Variants in ARHGAP6 observed in about 807,000 individuals in gnomAD.
ARHGAP6 encodes rho GTPase-activating protein 6.
Under a neutral mutation model 55.7 loss-of-function variants are expected in ARHGAP6, and 16 were observed. The observed-to-expected ratio is 0.29, with a 90% CI of 0.19 to 0.44. The LOEUF is 0.44. ARHGAP6 is among the 20% of genes least tolerant of loss of function. The probability of loss-of-function intolerance (pLI) is 1.00; values close to 1 mark genes in which losing one functional copy is unlikely to be tolerated. For synonymous variants in ARHGAP6, 382 were observed against 360.9 expected (o/e 1.06, Z -0.66); for missense variants, 698 against 808.9 (o/e 0.86, Z 1.66).
chrX:11,333,555 G>T (rs763100356), intron 1 of ARHGAP6, among the ~76,000 whole-genome samples: 3 of 112,228 alleles, frequency 2.7e-5, no homozygotes, highest in Admixed American at 9.4e-5. Context: ...AGGGTAGATG[G>T]TCAATCCAGC....
At chrX:11,278,143 G>T (rs749614662) in intron 1 of ARHGAP6, among the ~76,000 whole-genome samples, 2 of 111,661 alleles carry the variant, frequency 1.8e-5, no homozygotes, top group Admixed American at 9.5e-5. Context: ...ACTAGGATAG[G>T]TAGTGCAGAA....
intron 2 of ARHGAP6, among the ~76,000 whole-genome samples, chrX:11,234,351 T>C (rs2147446610): frequency 8.9e-6 from 1 of 112,486 alleles, no homozygotes; most frequent in African/African-American, 3.2e-5. Context: ...TCTCCATCTT[T>C]GTTCTGTCAC....
At position 11,444,219 on chromosome X, in the gene ARHGAP6, A is replaced by C. The variant is rs1315988521; in HGVS notation, c.589-189512T>G. 3.6e-5 allele frequency among the ~76,000 whole-genome samples: 4 copies of C among 112,300 alleles called. No individual in the cohort carries two copies. In the Admixed American group the frequency reaches 3.8e-4, roughly 11 times the overall value. On this transcript the variant is annotated intron_variant, in intron 1 of 12. Transcript: ENST00000337414. The stretch of plus-strand genomic sequence containing the variant: ...CAAAAGCAGCCACAGACCATATGTA[A>C]ATGAAGGGGTGTGGTTGTGTCCCAA...
chrX:11,460,819 T>C (rs911497068), intron 1 of ARHGAP6, among the ~76,000 whole-genome samples: 3 of 112,142 alleles, frequency 2.7e-5, no homozygotes, highest in Non-Finnish European at 5.6e-5. Flanking sequence ...AGATTATTAC[T>C]TCTGTGTGCC....
At chrX:11,142,911 G>A (rs1387141395) in intron 11 of ARHGAP6, 1 of 111,996 alleles carries the variant, frequency 8.9e-6, no homozygotes, top group Non-Finnish European at 1.9e-5. Context: ...GAATAGAAGG[G>A]TGATGGGTGA....
At chrX:11,530,676 TC>T (rs1307382982) in intron 1 of ARHGAP6, among the ~76,000 whole-genome samples, 1 of 111,878 alleles carries the variant, frequency 8.9e-6, no homozygotes, top group Non-Finnish European at 1.9e-5. Context: ...GGAGCAGAGA[TC>T]TTTTTTTAAA....
chrX:11,164,225 G>C (rs111685254), intron 9 of ARHGAP6, among the ~76,000 whole-genome samples: 2,504 of 112,352 alleles, frequency 0.022, 29 homozygotes, highest in Middle Eastern at 0.055. Context: ...CTCTTCTTTT[G>C]TGTAAGGAGG....
intron 10 of ARHGAP6, among the ~76,000 whole-genome samples, chrX:11,147,782 C>A (rs779113273): frequency 8.9e-6 from 1 of 111,873 alleles, no homozygotes; most frequent in Non-Finnish European, 1.9e-5. Flanking sequence ...TGAATAAATC[C>A]GGGTGTAGTG....
Position 11,185,891 on chromosome X carries a change from TGTATAAACAATAAAA to T in ARHGAP6, c.1273+330_1273+344del, listed in dbSNP as rs1374540889. ...TGAGTAACCTCCTAGGCTACTTTTATGTATAAACAATAAAAGTGGCTCTGGTCTGTTTGAAAGAGG... is the reference window on the plus strand; with the variant it reads ...TGAGTAACCTCCTAGGCTACTTTTATGTGGCTCTGGTCTGTTTGAAAGAGG... On this transcript the variant is annotated intron_variant, in intron 5 of 12. Coordinates refer to ENST00000337414, the MANE Select transcript of ARHGAP6 (RefSeq NM_013427.3). Among the ~76,000 whole-genome samples, 3 of 111,916 alleles carry T rather than the reference TGTATAAACAATAAAA, an allele frequency of 2.7e-5. No homozygotes were observed. In the Admixed American group the frequency reaches 2.8e-4, roughly 11 times the overall value.
chrX:11,421,045 A>G (rs2049817632), intron 1 of ARHGAP6, among the ~76,000 whole-genome samples: 1 of 110,853 alleles, frequency 9.0e-6, no homozygotes, highest in Non-Finnish European at 1.9e-5. Flanking sequence ...AAGAAACAAA[A>G]AGCCCAAGAT....
chrX:11,197,784 CCACTTATAT>C (rs2046560711), intron 2 of ARHGAP6, among the ~76,000 whole-genome samples: 1 of 111,972 alleles, frequency 8.9e-6, no homozygotes, highest in African/African-American at 3.2e-5. Flanking sequence ...AATAAAGATA[CCACTTATAT>C]CAGTGGGCAG....
intron 10 of ARHGAP6, among the ~76,000 whole-genome samples, chrX:11,146,187 T>C (rs2045689094): frequency 8.9e-6 from 1 of 112,324 alleles, no homozygotes. Flanking sequence ...CAACTGAATG[T>C]AGTGTAGTCC....
intron 1 of ARHGAP6, among the ~76,000 whole-genome samples, chrX:11,480,163 G>T (rs1215285644): frequency 8.9e-6 from 1 of 111,922 alleles, no homozygotes; most frequent in Non-Finnish European, 1.9e-5. Context: ...CTTCATAGCA[G>T]CAGTATTCAT....
At chrX:11,342,008 A>G (rs959805626) in intron 1 of ARHGAP6, among the ~76,000 whole-genome samples, 2 of 97,726 alleles carry the variant, frequency 2.0e-5, no homozygotes, top group African/African-American at 7.8e-5. Context: ...TGGATATACC[A>G]TTTCAAAATG....
chrX:11,516,474 T>TA (rs1165648508), intron 1 of ARHGAP6, among the ~76,000 whole-genome samples: 2 of 112,235 alleles, frequency 1.8e-5, no homozygotes, highest in Non-Finnish European at 3.8e-5. Context: ...CTTTTTCTTC[T>TA]AAAAATATAT....
At chrX:11,495,932 G>A (rs1167731551) in intron 1 of ARHGAP6, among the ~76,000 whole-genome samples, 1 of 112,318 alleles carries the variant, frequency 8.9e-6, no homozygotes, top group African/African-American at 3.2e-5. Context: ...AGTGGAGGAG[G>A]GTGGCCTCCA....
chrX:11,330,321 A>G (rs1330507788), intron 1 of ARHGAP6, among the ~76,000 whole-genome samples: 1 of 112,972 alleles, frequency 8.9e-6, no homozygotes, highest in Non-Finnish European at 1.9e-5. Flanking sequence ...TCACAAAAAG[A>G]TTAAATATTT....
chrX:11,552,599 T>TATATATATATATATATAC (rs1491079107), intron 1 of ARHGAP6, among the ~76,000 whole-genome samples: 2 of 48,230 alleles, frequency 4.1e-5, no homozygotes, highest in Non-Finnish European at 7.6e-5. Flanking sequence ...TATATATATA[T>TATATATATATATATATAC]AGACACACAC....
At position 11,628,984 on chromosome X, in the gene ARHGAP6, CGTGTGT is replaced by C. The variant is rs55999982; in HGVS notation, c.588+35251_588+35256del. 6.6e-3 allele frequency among the ~76,000 whole-genome samples: 671 copies of C among 101,416 alleles called. 1 individual carries two copies. The highest frequency in any genetic ancestry group is 8.4e-3 in the African/African-American group (236 of 27,939). 88.1% of individuals were successfully genotyped at this position (101,416 alleles called of 115,157 possible). A position where few individuals can be genotyped will look rare whatever the true frequency, so the allele number is the denominator to read the frequency against. On this transcript the variant is annotated intron_variant, in intron 1 of 12. Coordinates refer to ENST00000337414, the MANE Select transcript of ARHGAP6 (RefSeq NM_013427.3). ...TATGATCATCCCCATGCTTCAGATA[CGTGTGT>C]GTGTGTGTGTGTGTGTGTGTGTGTG...
Sources: allele counts gnomAD v4.1 joint callset (sites outside exome capture counted in the v4.1 genomes callset), GRCh38; gene constraint gnomAD v4.1.1; transcripts MANE v1.5; gene names NCBI Gene and HGNC (gene_info 2026-07-23, HGNC 2026-07-21).